The following WIPF1 variants were observed in gnomAD, a reference collection of about 807,000 sequenced individuals.
WIPF1 encodes WAS/WASL interacting protein family member 1.
WIPF1 carries 13 observed loss-of-function variants against 35.4 expected under a neutral mutation model. The observed-to-expected ratio is 0.37, with a 90% confidence interval of 0.24 to 0.58. The LOEUF (loss-of-function observed/expected upper bound fraction) is 0.58, where lower values mean the gene tolerates loss of function less well. Among genes scored for constraint, WIPF1 ranks in the 20% least tolerant of loss-of-function variants. The pLI, the probability that WIPF1 is intolerant of heterozygous loss-of-function variation, is 0.74. For synonymous variants in WIPF1, 267 were observed against 266.3 expected (o/e 1.00, Z -0.02); for missense variants, 591 against 667.0 (o/e 0.89, Z 1.25).
intron 1 of WIPF1, among the ~76,000 whole-genome samples, chr2:174,671,957 T>A (rs948839655): frequency 1.3e-5 from 2 of 152,184 alleles, no homozygotes. Flanking sequence ...GTGATCTCTG[T>A]GACCCACACC....
rs553258924 is a variant in WIPF1 at position 174,667,779 on chromosome 2, C to T, written c.-39+14995G>A. ...GAGGCTAGGCTGCCTAAGAATTACT[C>T]TCCGCAGCAGGTTTTGAGATACATT... On this transcript the variant is annotated intron_variant, in intron 1 of 8. Coordinates refer to the WIPF1 transcript ENST00000272746. 5.3e-5 allele frequency among the ~76,000 whole-genome samples: 8 copies of T among 152,316 alleles called. No individual in the cohort carries two copies. The South Asian group carries it at 1.7e-3, about 32-fold the overall frequency.
At chr2:174,660,460 A>G (rs975052550) in intron 1 of WIPF1, among the ~76,000 whole-genome samples, 4 of 152,232 alleles carry the variant, frequency 2.6e-5, no homozygotes, top group Admixed American at 2.0e-4. Flanking sequence ...CAGGTAGTCA[A>G]CATTCCCAGG....
chr2:174,567,744 A>G lies in WIPF1; in HGVS notation c.1342+117T>C. On this transcript the variant is annotated intron_variant, in intron 6 of 7. Coordinates refer to ENST00000679041, the MANE Select transcript of WIPF1 (RefSeq NM_001375834.1). ...ATGGTTAGATAGTTAGATCAGTGCA[A>G]TGGAGTGTGATAATGATGGAACAAG... is the stretch of plus-strand genomic sequence containing the variant. 4 of 1,154,682 alleles carry G rather than the reference A, an allele frequency of 3.5e-6. No individual in the cohort carries two copies. The South Asian group carries it at 4.6e-5, about 13-fold the overall frequency. 71.5% of individuals were successfully genotyped at this position (1,154,682 alleles called of 1,614,324 possible).
chr2:174,648,234 C>A (rs747958660), intron 1 of WIPF1, among the ~76,000 whole-genome samples: 10 of 152,100 alleles, frequency 6.6e-5, no homozygotes, highest in Middle Eastern at 3.4e-3. Context: ...TTTTGTTTGC[C>A]TTCAATCAAC....
At chr2:174,633,391 C>G (rs891283543) in intron 1 of WIPF1, among the ~76,000 whole-genome samples, 1 of 152,192 alleles carries the variant, frequency 6.6e-6, no homozygotes, top group African/African-American at 2.4e-5. Context: ...CAGGAAGTTC[C>G]TGATCTTGCT....
intron 1 of WIPF1, among the ~76,000 whole-genome samples, chr2:174,641,062 T>C (rs564912164): frequency 1.3e-5 from 2 of 152,194 alleles, no homozygotes; most frequent in South Asian, 2.1e-4. Context: ...CATAGACCAA[T>C]AGAACAGAAT....
At chr2:174,600,208 A>T (rs1223704161), upstream of WIPF1, among the ~76,000 whole-genome samples, 1 of 152,200 alleles carries the variant, frequency 6.6e-6, no homozygotes, top group East Asian at 1.9e-4. Flanking sequence ...CTCACTTAGA[A>T]GGGAGTATGT....
At chr2:174,621,639 GA>G (rs1181562070) in intron 1 of WIPF1, among the ~76,000 whole-genome samples, 1 of 152,010 alleles carries the variant, frequency 6.6e-6, no homozygotes, top group African/African-American at 2.4e-5. Flanking sequence ...AAGTGATGTG[GA>G]AAACAGGTGA....
rs760934386 is a variant in WIPF1, at chr2:174,571,692, G to T, written c.1113C>A (p.Asp371Glu). 6.2e-6 allele frequency: 10 copies of T among 1,614,164 alleles called. No individual in the cohort carries two copies. The South Asian group carries it at 1.1e-4, about 18-fold the overall frequency. ...TTGTCATACCTGATCGGCCTGGCGG[G>T]TCCCTCACTGGAGGTGGGGGTCTCT... ...PSERPPPPVR[D>E]PPGRSGPLPP... The change falls in exon 5 of 8, where the codon GAC becomes GAA. Residue 371 changes from aspartate (D) to glutamate (E), a missense_variant. Asp to Glu is a conservative substitution (Grantham distance 45). Around this residue, in one of 3 missense-constraint regions of WIPF1, gnomAD observed 471 missense variants for 501.1 expected, o/e 0.94. Coordinates refer to ENST00000679041, the MANE Select transcript of WIPF1 (RefSeq NM_001375834.1). The surrounding 1 kb of genome is among the most constrained non-coding windows in gnomAD (Gnocchi z 4.6).
Position 174,562,413 on chromosome 2 carries a change from A to T in WIPF1, c.*134T>A. ...TACCGATTCCCACCCACACACGCATATTCCCACTCCCCCTCCCACCTTTCC... is the reference window on the plus strand; with the variant it reads ...TACCGATTCCCACCCACACACGCATTTTCCCACTCCCCCTCCCACCTTTCC... On this transcript the variant is annotated 3_prime_UTR_variant, in exon 8 of 8. Transcript: ENST00000679041. The T allele has an allele frequency of 6.5e-7, 1 of 1,536,694 alleles. No individual in the cohort carries two copies. Among genetic ancestry groups the T allele is most frequent in the Non-Finnish European group, 8.8e-7 (1 of 1,139,180 alleles).
chr2:174,675,083 T>C (rs999921756), intron 1 of WIPF1, among the ~76,000 whole-genome samples: 1 of 152,180 alleles, frequency 6.6e-6, no homozygotes, highest in Non-Finnish European at 1.5e-5. Context: ...TTTATTATAT[T>C]AAACGCAATT....
At position 174,572,303 on chromosome 2, in the gene WIPF1, G is replaced by A; in HGVS notation, c.502C>T (p.Arg168Ter). The A allele has an allele frequency of 6.2e-7, 1 of 1,614,146 alleles. No homozygotes were observed. The change falls in exon 5 of 8, where the codon CGA becomes TGA. Residue 168 changes from arginine (R) to a stop codon, truncating the protein, a stop_gained. Transcript: ENST00000679041. LOFTEE classifies it high-confidence loss of function. ...RSGPPEPQRN[R>*]MPPPRPDVGS... ...ACGTCGGGCCTTGGGGGCGGCATTC[G>A]GTTCCTCTGAGGCTCTGGGGGACCA... is the stretch of plus-strand genomic sequence containing the variant.
At chr2:174,655,283 T>C (rs1281442090) in intron 1 of WIPF1, among the ~76,000 whole-genome samples, 2 of 152,088 alleles carry the variant, frequency 1.3e-5, no homozygotes, top group Non-Finnish European at 2.9e-5. Context: ...TCTGTAGCAT[T>C]TTCCTTCAGG....
At chr2:174,599,464 T>C (rs539688173), upstream of WIPF1, among the ~76,000 whole-genome samples, 2 of 152,254 alleles carry the variant, frequency 1.3e-5, no homozygotes, top group South Asian at 4.1e-4. Flanking sequence ...GTCCTCTGCT[T>C]TGCCTGGAGC....
rs535169609 is a variant in WIPF1 at position 174,585,523 on chromosome 2, C to T, written c.51G>A (p.Leu17=). The change falls in exon 2 of 8, where the codon CTG becomes CTA. Residue 17 remains leucine (L), a splice_region_variant and synonymous_variant. Coordinates refer to ENST00000679041, the MANE Select transcript of WIPF1 (RefSeq NM_001375834.1). The stretch of plus-strand genomic sequence containing the variant: ...AAGTGTTTGGGGAGGAGACACTCAC[C>T]AGTGCAAACGTCGGGGGCGGCGGGG... ...PAPPPPPTFA[L]ANTEKPTLNK... 4.6e-5 allele frequency: 74 copies of T among 1,591,600 alleles called. No homozygotes were observed. The highest frequency in any genetic ancestry group is 6.1e-5 in the Non-Finnish European group (71 of 1,170,766).
intron 1 of WIPF1, among the ~76,000 whole-genome samples, chr2:174,589,147 A>G (rs1685525917): frequency 6.6e-6 from 1 of 152,116 alleles, no homozygotes; most frequent in Non-Finnish European, 1.5e-5. Flanking sequence ...GTGCCCCAAC[A>G]CTGGGCCCAC....
At chr2:174,620,094 G>A (rs1686629051) in intron 1 of WIPF1, among the ~76,000 whole-genome samples, 1 of 152,186 alleles carries the variant, frequency 6.6e-6, no homozygotes, top group African/African-American at 2.4e-5. Context: ...AAATGTCAAA[G>A]GGCCATTTGC....
At chr2:174,618,134 T>C (rs1424173085) in intron 1 of WIPF1, among the ~76,000 whole-genome samples, 1 of 152,224 alleles carries the variant, frequency 6.6e-6, no homozygotes, top group Non-Finnish European at 1.5e-5. Context: ...GAAAATCCCA[T>C]AATTAAAAGA....
At chr2:174,676,050 C>T (rs1418388506) in intron 1 of WIPF1, among the ~76,000 whole-genome samples, 1 of 149,826 alleles carries the variant, frequency 6.7e-6, no homozygotes, top group African/African-American at 2.5e-5. Flanking sequence ...CAGGCACAAG[C>T]GATCCTCCCA....
Sources: allele counts gnomAD v4.1 joint callset (sites outside exome capture counted in the v4.1 genomes callset), GRCh38; gene constraint gnomAD v4.1.1; regional missense constraint gnomAD v4.1.1; non-coding constraint Gnocchi (gnomAD v3.1); transcripts MANE v1.5; gene names NCBI Gene and HGNC (gene_info 2026-07-23, HGNC 2026-07-21).